ADAMTSL1: variants seen among roughly 807,000 people sequenced by gnomAD.
ADAMTSL1 encodes the protein ADAMTS-like protein 1.
ADAMTSL1 carries 126 observed loss-of-function variants against 201.8 expected under a neutral mutation model. The observed-to-expected ratio is 0.62, with a 90% CI of 0.54 to 0.72. The LOEUF (loss-of-function observed/expected upper bound fraction) is 0.72, where lower values mean the gene tolerates loss of function less well. ADAMTSL1 is among the 30% of genes least tolerant of loss of function. ADAMTSL1 has a pLI of 0.00. For synonymous variants in ADAMTSL1, 1,121 were observed against 903.4 expected, an observed-to-expected ratio of 1.24 and a Z score of -4.32; for missense variants, 2,679 against 2,277.8, an observed-to-expected ratio of 1.18 and a Z score of -3.59.
chr9:18,701,697 T>C (rs1209022717), intron 13 of ADAMTSL1, among the ~76,000 whole-genome samples: 1 of 152,150 alleles, frequency 6.6e-6, no homozygotes, highest in African/African-American at 2.4e-5. Context: ...TATACCTAAA[T>C]TGAGTATTTT....
intron 1 of ADAMTSL1, among the ~76,000 whole-genome samples, chr9:18,055,903 A>G (rs1477005716): frequency 3.9e-5 from 6 of 152,248 alleles, no homozygotes; most frequent in African/African-American, 1.4e-4. Flanking sequence ...GCTATTAACT[A>G]TGCTTTCAGG....
At chr9:18,854,579 C>G (rs1341768988) in intron 23 of ADAMTSL1, among the ~76,000 whole-genome samples, 3 of 151,994 alleles carry the variant, frequency 2.0e-5, no homozygotes, top group Admixed American at 6.6e-5. Context: ...CTTGACTATT[C>G]AAGAATAGAT....
chr9:18,401,479 G>A (rs1817981924), intron 2 of ADAMTSL1, among the ~76,000 whole-genome samples: 1 of 152,198 alleles, frequency 6.6e-6, no homozygotes, highest in Admixed American at 6.5e-5. Flanking sequence ...GCCTGCACCA[G>A]CTACCTGGGA....
intron 20 of ADAMTSL1, among the ~76,000 whole-genome samples, chr9:18,806,900 C>G (rs72690584): frequency 0.013 from 1,923 of 152,296 alleles, 19 homozygotes; most frequent in South Asian, 0.024. Context: ...TGCTGACGTA[C>G]GAGTTTTAGC....
intron 2 of ADAMTSL1, among the ~76,000 whole-genome samples, chr9:18,454,474 G>A (rs554604034): frequency 4.6e-5 from 7 of 152,210 alleles, no homozygotes; most frequent in African/African-American, 1.7e-4. Context: ...TGCTTTACCA[G>A]TTCTCCAGGT....
intron 2 of ADAMTSL1, among the ~76,000 whole-genome samples, chr9:18,426,213 C>T (rs965925910): frequency 1.3e-5 from 2 of 152,134 alleles, no homozygotes; most frequent in South Asian, 2.1e-4. Context: ...GAATCCCTGC[C>T]TAGGGCCCAG....
chr9:18,189,894 A>G (rs1828900495), intron 2 of ADAMTSL1, among the ~76,000 whole-genome samples: 1 of 152,208 alleles, frequency 6.6e-6, no homozygotes, highest in Admixed American at 6.5e-5. Context: ...TCAATAAGTC[A>G]TTCTCAACAA....
rs556040846 is a variant in ADAMTSL1, at chr9:18,142,873, T to G, written c.88-20989T>G. On this transcript the variant is annotated intron_variant, in intron 1 of 29. Coordinates refer to the ADAMTSL1 transcript ENST00000680146. Reference sequence around the variant, plus strand: ...GAGTTCAAATCCTGGTTTAGCTAGTTTCTACCCTAAACTTTCTGAGAATTT... The same window carrying G: ...GAGTTCAAATCCTGGTTTAGCTAGTGTCTACCCTAAACTTTCTGAGAATTT... Among the ~76,000 whole-genome samples the G allele has an allele frequency of 2.0e-5, 3 of 152,322 alleles. No homozygotes were observed. In the South Asian group the frequency reaches 6.2e-4, roughly 32 times the overall value.
At chr9:18,866,115 C>CTAAAAAAAAAA (rs1827521138) in intron 23 of ADAMTSL1, among the ~76,000 whole-genome samples, 2 of 26,888 alleles carry the variant, frequency 7.4e-5, no homozygotes, top group African/African-American at 1.4e-3. Flanking sequence ...CCTTCAAAAA[C>CTAAAAAAAAAA]CAAAAAAAAA....
chr9:18,842,197 T>A (rs1016938081), intron 23 of ADAMTSL1, among the ~76,000 whole-genome samples: 133 of 152,218 alleles, frequency 8.7e-4, no homozygotes, highest in African/African-American at 2.9e-3. Context: ...TTCCCTCTAG[T>A]CACTGCTTTG....
intron 20 of ADAMTSL1, 37 bp from the exon 21 acceptor site, chr9:18,817,069 TCAC>T: frequency 6.2e-7 from 1 of 1,601,632 alleles, no homozygotes; most frequent in South Asian, 1.1e-5. Flanking sequence ...ATTTCCACAG[TCAC>T]CACCAAGTAA....
chr9:18,473,307 G>T (rs1821292306), upstream of ADAMTSL1, among the ~76,000 whole-genome samples: 1 of 152,178 alleles, frequency 6.6e-6, no homozygotes. Context: ...AGTTGGCAGT[G>T]CATCAAAACC....
At chr9:18,582,358 C>T (rs1823154258) in intron 4 of ADAMTSL1, among the ~76,000 whole-genome samples, 1 of 152,182 alleles carries the variant, frequency 6.6e-6, no homozygotes, top group Non-Finnish European at 1.5e-5. Context: ...GAAGTCTACT[C>T]AGCTAAGTAC....
intron 5 of ADAMTSL1, among the ~76,000 whole-genome samples, chr9:18,631,971 CA>C (rs1412772646): frequency 1.3e-5 from 2 of 152,130 alleles, no homozygotes; most frequent in African/African-American, 2.4e-5. Flanking sequence ...GTTCAGTCAA[CA>C]AAGCCAGAAT....
intron 20 of ADAMTSL1, among the ~76,000 whole-genome samples, chr9:18,800,890 C>T (rs1224239369): frequency 1.3e-5 from 2 of 152,032 alleles, no homozygotes; most frequent in African/African-American, 4.8e-5. Context: ...CCACTTCTGG[C>T]CTTATTCTAC....
chr9:18,605,905 G>A (rs968045501), intron 4 of ADAMTSL1, among the ~76,000 whole-genome samples: 1 of 152,192 alleles, frequency 6.6e-6, no homozygotes. Flanking sequence ...GGAAGCAGAG[G>A]TAGGTGCTAC....
At chr9:18,371,796 G>T (rs1163220406) in intron 2 of ADAMTSL1, among the ~76,000 whole-genome samples, 1 of 152,184 alleles carries the variant, frequency 6.6e-6, no homozygotes, top group Non-Finnish European at 1.5e-5. Context: ...TCTGCTGCCA[G>T]ATGTGGCTTT....
At chr9:18,906,075 C>T (rs1830294693) in intron 27 of ADAMTSL1, among the ~76,000 whole-genome samples, 184 bp downstream of exon 27, 1 of 152,178 alleles carries the variant, frequency 6.6e-6, no homozygotes, top group Non-Finnish European at 1.5e-5. Context: ...CGGTCTTGTG[C>T]TTATCTAATG....
intron 2 of ADAMTSL1, among the ~76,000 whole-genome samples, chr9:18,424,877 C>T (rs1164361626): frequency 6.6e-6 from 1 of 152,102 alleles, no homozygotes; most frequent in Non-Finnish European, 1.5e-5. Flanking sequence ...TGTGGTTCAT[C>T]GCAAAAGAGT....
Sources: allele counts gnomAD v4.1 joint callset (sites outside exome capture counted in the v4.1 genomes callset), GRCh38; gene constraint gnomAD v4.1.1; transcripts MANE v1.5; gene names NCBI Gene and HGNC (gene_info 2026-07-23, HGNC 2026-07-21).